Variants in RSU1 observed in about 807,000 individuals in gnomAD.
RSU1 encodes the protein Ras suppressor protein 1.
A neutral mutation model predicts 31.1 loss-of-function variants in RSU1; 26 were observed. The ratio of observed to expected loss-of-function variants is 0.84; its 90% confidence interval spans 0.61 to 1.16. RSU1 has a LOEUF of 1.16. Among genes scored for constraint, RSU1 ranks in the 50% most tolerant of loss-of-function variants. The pLI, the probability that RSU1 is intolerant of heterozygous loss-of-function variation, is 0.00. For synonymous variants in RSU1, 164 were observed against 136.3 expected (o/e 1.20, Z -1.41); for missense variants, 320 against 339.1 (o/e 0.94, Z 0.44).
At chr10:16,752,294 G>A (rs1263130425) in intron 7 of RSU1, among the ~76,000 whole-genome samples, 7 of 152,088 alleles carry the variant, frequency 4.6e-5, no homozygotes, top group South Asian at 2.1e-4. Flanking sequence ...GGAGCTGAGC[G>A]GGGTCATCTT....
intron 7 of RSU1, among the ~76,000 whole-genome samples, chr10:16,717,804 G>C (rs1836173263): frequency 1.3e-5 from 2 of 152,138 alleles, no homozygotes; most frequent in South Asian, 4.2e-4. Context: ...CGCCTCTCAA[G>C]GATCTACTTA....
intron 2 of RSU1, among the ~76,000 whole-genome samples, chr10:16,815,450 A>G (rs1215644181): frequency 6.6e-6 from 1 of 152,148 alleles, no homozygotes; most frequent in Non-Finnish European, 1.5e-5. Context: ...ATGGCTATCC[A>G]TCGCCTTTCA....
At chr10:16,729,686 G>A (rs1286454494) in intron 7 of RSU1, among the ~76,000 whole-genome samples, 1 of 152,100 alleles carries the variant, frequency 6.6e-6, no homozygotes, top group South Asian at 2.1e-4. Flanking sequence ...ATGGGTTAGG[G>A]GTTTATTTTT....
At chr10:16,667,028 CA>C (rs1336262789) in intron 8 of RSU1, among the ~76,000 whole-genome samples, 4 of 136,250 alleles carry the variant, frequency 2.9e-5, no homozygotes, top group Admixed American at 2.2e-4. Flanking sequence ...CAAAGCAAAA[CA>C]AACAACAACA....
At chr10:16,664,148 A>C (rs1368907870) in intron 8 of RSU1, among the ~76,000 whole-genome samples, 1 of 152,160 alleles carries the variant, frequency 6.6e-6, no homozygotes, top group Non-Finnish European at 1.5e-5. Context: ...CTCCTTTAAC[A>C]CATGACTCTA....
chr10:16,814,888 C>T (rs917951732), intron 2 of RSU1, among the ~76,000 whole-genome samples: 1 of 152,182 alleles, frequency 6.6e-6, no homozygotes, highest in Non-Finnish European at 1.5e-5. Context: ...GGAGCTGAAC[C>T]GAAATAGCTA....
At chr10:16,699,132 T>C (rs1466072637) in intron 7 of RSU1, among the ~76,000 whole-genome samples, 2 of 152,232 alleles carry the variant, frequency 1.3e-5, no homozygotes, top group African/African-American at 4.8e-5. Flanking sequence ...GAGGAAACTA[T>C]TATAAATGAC....
chr10:16,692,551 A>G (rs1049717092), intron 8 of RSU1, among the ~76,000 whole-genome samples: 3 of 152,178 alleles, frequency 2.0e-5, no homozygotes, highest in African/African-American at 4.8e-5. Context: ...GATACCATAC[A>G]AACCAAGCTC....
intron 2 of RSU1, among the ~76,000 whole-genome samples, chr10:16,787,292 G>T (rs890351764): frequency 2.0e-5 from 3 of 151,978 alleles, no homozygotes; most frequent in Admixed American, 6.6e-5. Context: ...TATCCAACAC[G>T]TGTTCCACTA....
rs1834329355 is a variant in RSU1, at chr10:16,635,426, C to T, written c.732-41930G>A. ...GCTGATAACCCTGCTTCGTATTTCACTGAGAAAACCGAAACACTCCAAAGA... is the reference window on the plus strand; with the variant it reads ...GCTGATAACCCTGCTTCGTATTTCATTGAGAAAACCGAAACACTCCAAAGA... On this transcript the variant is annotated intron_variant, in intron 8 of 8. Transcript: ENST00000345264. 2.6e-5 allele frequency among the ~76,000 whole-genome samples: 4 copies of T among 152,226 alleles called. No individual in the cohort carries two copies. In the South Asian group the frequency reaches 8.3e-4, roughly 32 times the overall value.
At chr10:16,625,795 G>GT (rs1165598477) in intron 8 of RSU1, among the ~76,000 whole-genome samples, 1 of 152,202 alleles carries the variant, frequency 6.6e-6, no homozygotes, top group Non-Finnish European at 1.5e-5. Context: ...GGTCTAAGGA[G>GT]TAGGAGCAAG....
intron 2 of RSU1, among the ~76,000 whole-genome samples, chr10:16,815,058 C>A (rs887719635): frequency 1.6e-4 from 24 of 152,378 alleles, no homozygotes; most frequent in African/African-American, 5.8e-4. Flanking sequence ...GCATCATCTT[C>A]CCTATCCCCT....
chr10:16,731,505 T>G (rs1288927853), intron 7 of RSU1, among the ~76,000 whole-genome samples: 1 of 151,974 alleles, frequency 6.6e-6, no homozygotes. Flanking sequence ...TATTTCTTGA[T>G]GATAGAATTC....
chr10:16,809,231 G>A (rs1253561312), intron 2 of RSU1, among the ~76,000 whole-genome samples: 2 of 152,164 alleles, frequency 1.3e-5, no homozygotes, highest in South Asian at 2.1e-4. Flanking sequence ...TCCTTTGATT[G>A]GAAACATGCT....
chr10:16,727,597 A>G (rs1836425202), intron 7 of RSU1, among the ~76,000 whole-genome samples: 1 of 152,218 alleles, frequency 6.6e-6, no homozygotes, highest in Non-Finnish European at 1.5e-5. Flanking sequence ...AGTTCTGGGA[A>G]ACTCTTAGGG....
chr10:16,769,797 G>A (rs774005714), intron 3 of RSU1, among the ~76,000 whole-genome samples: 31 of 152,196 alleles, frequency 2.0e-4, no homozygotes, highest in Non-Finnish European at 3.2e-4. Context: ...AAATAAAGAT[G>A]CCTCTTGAGC....
At chr10:16,791,450 G>A (rs555960264) in intron 2 of RSU1, among the ~76,000 whole-genome samples, 12 of 152,206 alleles carry the variant, frequency 7.9e-5, no homozygotes, top group Admixed American at 5.9e-4. Flanking sequence ...AGGACATAGT[G>A]AAATCCCATC....
At chr10:16,801,468 A>G (rs1034498063) in intron 2 of RSU1, among the ~76,000 whole-genome samples, 1 of 152,198 alleles carries the variant, frequency 6.6e-6, no homozygotes, top group African/African-American at 2.4e-5. Context: ...CCACTCTATC[A>G]GTAATTGACA....
Position 16,593,146 on chromosome 10 carries a change from A to G in RSU1, c.*248T>C. Reference sequence around the variant, plus strand: ...AGCCCACTATGGAATTCGCAGTTGAATAAGAGCTTTGTTCCCTGCTTTTGG... The same window carrying G: ...AGCCCACTATGGAATTCGCAGTTGAGTAAGAGCTTTGTTCCCTGCTTTTGG... On this transcript the variant is annotated 3_prime_UTR_variant, in exon 9 of 9. Coordinates refer to ENST00000345264, the MANE Select transcript of RSU1 (RefSeq NM_012425.4). The G allele has an allele frequency of 1.9e-6, 1 of 526,764 alleles. No homozygotes were observed. The highest frequency in any genetic ancestry group is 2.9e-6 in the Non-Finnish European group (1 of 340,476). 32.6% of individuals were successfully genotyped at this position (526,764 alleles called of 1,614,324 possible).
Sources: allele counts gnomAD v4.1 joint callset (sites outside exome capture counted in the v4.1 genomes callset), GRCh38; gene constraint gnomAD v4.1.1; transcripts MANE v1.5; gene names NCBI Gene and HGNC (gene_info 2026-07-23, HGNC 2026-07-21).